The following NAALADL2 variants were observed in gnomAD, a reference collection of about 807,000 sequenced individuals.
NAALADL2 encodes N-acetylated alpha-linked acidic dipeptidase like 2.
Under a neutral mutation model 87.2 loss-of-function variants are expected in NAALADL2, and 76 were observed. That is an observed-to-expected ratio of 0.87 (90% CI 0.72 to 1.05). The LOEUF is 1.05. NAALADL2 is among the 50% of genes least tolerant of loss of function. The pLI, the probability that NAALADL2 is intolerant of heterozygous loss-of-function variation, is 0.00. For missense variants in NAALADL2, 1,089 were observed against 945.8 expected (o/e 1.15, Z -1.99); for synonymous variants, 354 against 331.0 (o/e 1.07, Z -0.75).
At chr3:174,509,374 G>C (rs1719433416) in intron 1 of NAALADL2, among the ~76,000 whole-genome samples, 1 of 150,456 alleles carries the variant, frequency 6.6e-6, no homozygotes, top group Non-Finnish European at 1.5e-5. Context: ...GAGAGAGAGA[G>C]AGCGAGCTCT....
intron 13 of NAALADL2, among the ~76,000 whole-genome samples, chr3:175,799,189 A>T (rs1347939071): frequency 6.6e-6 from 1 of 151,730 alleles, no homozygotes; most frequent in African/African-American, 2.4e-5. Flanking sequence ...CCATTTAATG[A>T]TTCATAATTA....
chr3:175,795,557 C>T (rs574062661), intron 13 of NAALADL2, among the ~76,000 whole-genome samples: 51 of 150,888 alleles, frequency 3.4e-4, no homozygotes, highest in South Asian at 1.0e-3. Flanking sequence ...GTGGCGGGTG[C>T]CTGTAGTCCC....
At chr3:175,078,504 T>G (rs1717083845) in intron 1 of NAALADL2, among the ~76,000 whole-genome samples, 1 of 152,178 alleles carries the variant, frequency 6.6e-6, no homozygotes, top group Admixed American at 6.5e-5. Context: ...TACAAAACCA[T>G]CACCATGATC....
chr3:175,617,912 C>G (rs114065166), intron 10 of NAALADL2, among the ~76,000 whole-genome samples: 7,520 of 152,206 alleles, frequency 0.049, 282 homozygotes, highest in Non-Finnish European at 0.069. Flanking sequence ...GTATGCACAC[C>G]TGAAAGTGTT....
chr3:175,277,495 A>C (rs1022053564), intron 4 of NAALADL2, among the ~76,000 whole-genome samples: 1 of 152,160 alleles, frequency 6.6e-6, no homozygotes, highest in Non-Finnish European at 1.5e-5. Flanking sequence ...CCAATCTATT[A>C]ATGTAGTTCA....
At chr3:174,919,097 A>G (rs1332774305) in intron 1 of NAALADL2, among the ~76,000 whole-genome samples, 2 of 152,128 alleles carry the variant, frequency 1.3e-5, no homozygotes, top group African/African-American at 4.8e-5. Flanking sequence ...TCCTAGCAGT[A>G]TTACAACTTC....
chr3:175,619,468 T>TA (rs1553934001), intron 10 of NAALADL2, among the ~76,000 whole-genome samples: 2 of 30,062 alleles, frequency 6.7e-5, no homozygotes, highest in African/African-American at 1.2e-4. Flanking sequence ...CCTAACATGG[T>TA]GGGAAAAAAA....
At chr3:174,943,267 C>G (rs1452990596) in intron 1 of NAALADL2, among the ~76,000 whole-genome samples, 1 of 152,072 alleles carries the variant, frequency 6.6e-6, no homozygotes, top group Non-Finnish European at 1.5e-5. Flanking sequence ...TTTGAAGCTG[C>G]TTTCTTGTCT....
At chr3:174,830,795 T>C (rs1722589105) in intron 3 of NAALADL2, among the ~76,000 whole-genome samples, 1 of 152,182 alleles carries the variant, frequency 6.6e-6, no homozygotes, top group Admixed American at 6.5e-5. Flanking sequence ...AGCAGTAGTT[T>C]GTAGTTCTCC....
chr3:175,170,503 T>C (rs1482205169), intron 2 of NAALADL2, among the ~76,000 whole-genome samples: 1 of 147,434 alleles, frequency 6.8e-6, no homozygotes, highest in Admixed American at 6.8e-5. Flanking sequence ...AATATATATA[T>C]ACAAACACAT....
chr3:175,387,755 T>A (rs148832390), intron 5 of NAALADL2, among the ~76,000 whole-genome samples: 188 of 152,184 alleles, frequency 1.2e-3, no homozygotes, highest in Non-Finnish European at 1.3e-3. Flanking sequence ...GTAAATAAAA[T>A]AGAACAATAA....
intron 3 of NAALADL2, among the ~76,000 whole-genome samples, chr3:174,778,004 A>G (rs762801816): frequency 6.6e-6 from 1 of 152,146 alleles, no homozygotes; most frequent in African/African-American, 2.4e-5. Context: ...ATATAGTACT[A>G]GCATTCCAAT....
Position 175,467,056 on chromosome 3 carries a change from A to G in NAALADL2, c.1405A>G (p.Ile469Val), listed in dbSNP as rs1394033636. ...ACAAGAATGGGCCAGTAGTACTGCA[A>G]TAATCACAGCGTTTATCCGTGCCTT... ...NGQEWASSTA[I>V]ITAFIRALMS... The change falls in exon 8 of 14, where the codon ATA becomes GTA. Residue 469 changes from isoleucine to valine, a missense_variant. Transcript: ENST00000454872. 13 of 1,613,920 alleles carry G rather than the reference A, an allele frequency of 8.1e-6. No homozygotes were observed. Among genetic ancestry groups the G allele is most frequent in the East Asian group, 2.2e-5 (1 of 44,876 alleles).
chr3:174,775,385 T>C (rs1715084471), intron 3 of NAALADL2, among the ~76,000 whole-genome samples: 1 of 152,164 alleles, frequency 6.6e-6, no homozygotes, highest in African/African-American at 2.4e-5. Flanking sequence ...AAAAGTGGAA[T>C]AACAATACAA....
chr3:175,053,184 A>G (rs1161959876), intron 1 of NAALADL2, among the ~76,000 whole-genome samples: 2 of 152,192 alleles, frequency 1.3e-5, no homozygotes, highest in Non-Finnish European at 2.9e-5. Context: ...ATGTGTAACT[A>G]TGTCATAGAG....
intron 2 of NAALADL2, among the ~76,000 whole-genome samples, chr3:174,728,710 A>C (rs74574231): frequency 0.038 from 5,707 of 152,136 alleles, 382 homozygotes; most frequent in African/African-American, 0.13. Flanking sequence ...AAAGCCACAG[A>C]ACTCATCATA....
chr3:175,485,859 G>T (rs183194223), intron 9 of NAALADL2, among the ~76,000 whole-genome samples: 1 of 152,082 alleles, frequency 6.6e-6, no homozygotes, highest in Non-Finnish European at 1.5e-5. Flanking sequence ...AATATTAACC[G>T]TCACAGAGCT....
At chr3:174,528,320 A>G (rs1190837412) in intron 1 of NAALADL2, among the ~76,000 whole-genome samples, 1 of 152,198 alleles carries the variant, frequency 6.6e-6, no homozygotes, top group Non-Finnish European at 1.5e-5. Context: ...TCCTTCTTAT[A>G]TAAAATATAA....
Position 174,754,982 on chromosome 3 carries a change from T to A in NAALADL2, c.-9+17236T>A, listed in dbSNP as rs759111744. Among the ~76,000 whole-genome samples, 15 of 152,196 alleles carry A rather than the reference T, an allele frequency of 9.9e-5. 1 individual carries two copies. The highest frequency in any genetic ancestry group is 2.6e-4 in the Admixed American group (4 of 15,278). On this transcript the variant is annotated intron_variant, in intron 3 of 3. Coordinates refer to the NAALADL2 transcript ENST00000434257. ...GTGGCAAAACTAAATTTATTCATAC[T>A]TCATATGGTTAGGCTTTGTGTCCCC... is the stretch of plus-strand genomic sequence containing the variant.
Sources: gnomAD v4.1 joint callset for allele counts (sites outside exome capture counted in the v4.1 genomes callset) on GRCh38, gnomAD v4.1.1 for gene constraint, MANE v1.5 for transcripts, NCBI Gene and HGNC (gene_info 2026-07-23, HGNC 2026-07-21) for gene names.